Variants in ABL2 observed in about 807,000 individuals in gnomAD.
The protein encoded by ABL2 is ABL proto-oncogene 2, non-receptor tyrosine kinase.
In ABL2, 49 loss-of-function variants were observed where a neutral mutation model predicts 107.7. The ratio of observed to expected loss-of-function variants is 0.45; its 90% CI spans 0.36 to 0.58. The LOEUF is 0.58. Ranked by LOEUF, ABL2 falls within the 20% of genes least tolerant of loss-of-function variation. The probability of loss-of-function intolerance (pLI) is 0.00; values close to 1 mark genes in which losing one functional copy is unlikely to be tolerated. For synonymous variants in ABL2, 549 were observed against 548.6 expected (o/e 1.00, Z -0.01); for missense variants, 1,245 against 1,457.0 (o/e 0.85, Z 2.37).
chr1:179,158,286 G>A (rs1027811853), intron 1 of ABL2, among the ~76,000 whole-genome samples: 4 of 152,192 alleles, frequency 2.6e-5, no homozygotes, highest in African/African-American at 9.7e-5. Flanking sequence ...TAGAGAATGG[G>A]AGAGAAATAA....
At position 179,126,743 on chromosome 1, in the gene ABL2, T is replaced by C; in HGVS notation, c.392-71A>G. On this transcript the variant is annotated intron_variant, in intron 3 of 11. Transcript: ENST00000502732. This position sits in a 1 kb window ranked among gnomAD's most constrained non-coding sequence, Gnocchi z 4.4. ...TTATTTCAACTGAAGCAGTGTACTGTCAAACTTTAAACTCATTAAAAAAAA... is the reference window on the plus strand; with the variant it reads ...TTATTTCAACTGAAGCAGTGTACTGCCAAACTTTAAACTCATTAAAAAAAA... The C allele has an allele frequency of 2.9e-6, 4 of 1,397,362 alleles. No individual in the cohort carries two copies. In the South Asian group the frequency reaches 4.5e-5, roughly 16 times the overall value. The allele number at this position is 1,397,362 out of a possible 1,614,324, so 86.6% of individuals were successfully genotyped here. A position where few individuals can be genotyped will look rare whatever the true frequency, so the allele number is the denominator to read the frequency against.
intron 1 of ABL2, among the ~76,000 whole-genome samples, chr1:179,227,921 G>C (rs2124883214): frequency 6.6e-6 from 1 of 151,128 alleles, no homozygotes; most frequent in Non-Finnish European, 1.5e-5. Flanking sequence ...TGTGGTGGCG[G>C]GCGCCTGTAA....
At chr1:179,221,158 A>G (rs1488211328) in intron 1 of ABL2, 3 of 240,542 alleles carry the variant, frequency 1.2e-5, no homozygotes, top group Non-Finnish European at 1.7e-5. Context: ...CTTGATGGCG[A>G]TATGAGGTTC....
At chr1:179,191,630 C>T (rs1203152661) in intron 1 of ABL2, among the ~76,000 whole-genome samples, 1 of 151,972 alleles carries the variant, frequency 6.6e-6, no homozygotes, top group African/African-American at 2.4e-5. Context: ...CCGTGTTGTC[C>T]AGGCTGGTCT....
At chr1:179,134,732 C>CTCCACGGTCGCCCTCTCCCTCTT (rs1311585547) in intron 1 of ABL2, among the ~76,000 whole-genome samples, 4 of 135,438 alleles carry the variant, frequency 3.0e-5, no homozygotes, top group African/African-American at 1.1e-4. Flanking sequence ...CCCTCTCCCT[C>CTCCACGGTCGCCCTCTCCCTCTT]TCCACGGTCG....
At chr1:179,120,363 T>C in intron 5 of ABL2, 89 bp from the exon 6 acceptor site, 2 of 680,098 alleles carry the variant, frequency 2.9e-6, no homozygotes, top group Non-Finnish European at 4.9e-6. Flanking sequence ...ATCATAAAGC[T>C]TCAGCTTTAA....
chr1:179,134,910 T>A (rs1656716272), intron 1 of ABL2, among the ~76,000 whole-genome samples: 1 of 152,234 alleles, frequency 6.6e-6, no homozygotes, highest in Admixed American at 6.5e-5. Flanking sequence ...TCGTATTTTT[T>A]TGGTGGAGAC....
At chr1:179,112,982 G>C (rs1479440127) in intron 9 of ABL2, among the ~76,000 whole-genome samples, 1 of 152,124 alleles carries the variant, frequency 6.6e-6, no homozygotes, top group Non-Finnish European at 1.5e-5. Flanking sequence ...TCGAACCCCT[G>C]ACCTCAGGTG....
intron 1 of ABL2, among the ~76,000 whole-genome samples, chr1:179,215,247 A>G (rs1662499252): frequency 1.3e-5 from 2 of 152,288 alleles, no homozygotes; most frequent in South Asian, 2.1e-4. Context: ...ATACTCATAT[A>G]TATGTAAATA....
intron 1 of ABL2, chr1:179,196,442 A>G (rs1238864144): frequency 1.3e-5 from 2 of 152,232 alleles, no homozygotes; most frequent in Non-Finnish European, 1.5e-5. Flanking sequence ...AATACCTATG[A>G]GAAAAATCCC....
Position 179,114,882 on chromosome 1 carries a change from T to C in ABL2, c.1557A>G (p.Arg519=). Residue 519 remains arginine, a synonymous_variant, in exon 9 of 12, where the codon AGA becomes AGG. Coordinates refer to ENST00000502732, the MANE Select transcript of ABL2 (RefSeq NM_007314.4). ...AAAACATGCAAAAATACTCACATGCTCTCATAAGTTCATAAACCTTAGGGG... is the reference window on the plus strand; with the variant it reads ...AAAACATGCAAAAATACTCACATGCCCTCATAAGTTCATAAACCTTAGGGG... ...GCPPKVYELM[R]ACWKWSPADR... is the part of the protein sequence containing the mutation. 1 of 1,592,160 alleles carries C rather than the reference T, an allele frequency of 6.3e-7. No individual in the cohort carries two copies. Among genetic ancestry groups the C allele is most frequent in the South Asian group, 1.2e-5 (1 of 85,226 alleles).
At chr1:179,210,017 G>A (rs1662177219) in intron 1 of ABL2, among the ~76,000 whole-genome samples, 1 of 152,082 alleles carries the variant, frequency 6.6e-6, no homozygotes, top group African/African-American at 2.4e-5. Flanking sequence ...TAGGACTACA[G>A]GCACACAGCT....
In ABL2 at chr1:179,116,829, CTTT is replaced by C. The variant is rs35259294; in HGVS notation, c.1408+500_1408+502del. ...CTGGCCCTAAACTTTCTTCTTTATA[CTTT>C]TTTTTTTTTTTTTCTTTTTAGACAG... On this transcript the variant is annotated intron_variant, in intron 8 of 11. Coordinates refer to ENST00000502732, the MANE Select transcript of ABL2 (RefSeq NM_007314.4). 5.5e-3 allele frequency: 797 copies of C among 145,940 alleles called. 2 individuals are homozygous for C. Among genetic ancestry groups the C allele is most frequent in the South Asian group, 8.0e-3 (39 of 4,890 alleles). 9.0% of individuals were successfully genotyped at this position (145,940 alleles called of 1,614,324 possible).
chr1:179,185,418 C>A (rs1557983185), intron 1 of ABL2, among the ~76,000 whole-genome samples: 1 of 152,036 alleles, frequency 6.6e-6, no homozygotes, highest in Non-Finnish European at 1.5e-5. Flanking sequence ...AATTGACATT[C>A]TCTATTGTAA....
intron 1 of ABL2, among the ~76,000 whole-genome samples, chr1:179,153,214 T>C (rs1658470231): frequency 6.6e-6 from 1 of 152,162 alleles, no homozygotes; most frequent in Admixed American, 6.5e-5. Context: ...TCTAACCTCA[T>C]TACTCTTTCC....
chr1:179,205,029 C>CTTT (rs752957278), intron 1 of ABL2, among the ~76,000 whole-genome samples: 29 of 138,208 alleles, frequency 2.1e-4, no homozygotes, highest in South Asian at 4.6e-4. Flanking sequence ...AACTCTTTTT[C>CTTT]TTTTTTTTTT....
intron 3 of ABL2, among the ~76,000 whole-genome samples, chr1:179,129,994 C>T (rs1370874088): frequency 2.0e-5 from 3 of 152,132 alleles, no homozygotes; most frequent in African/African-American, 7.2e-5. Flanking sequence ...GGCTGGGGTG[C>T]AGTGGCACCA....
At chr1:179,154,818 A>G (rs568477385) in intron 1 of ABL2, among the ~76,000 whole-genome samples, 2 of 152,316 alleles carry the variant, frequency 1.3e-5, no homozygotes, top group East Asian at 3.9e-4. Flanking sequence ...GTGTTCTGAG[A>G]TAATTATTAC....
At position 179,101,992 on chromosome 1, in the gene ABL2, A is replaced by ATTT. The variant is rs1557895974; in HGVS notation, c.*5723_*5725dup. Reference sequence around the variant, plus strand: ...AAAAAAAAGCAAGCTTTGCATTAGAATTTCTTTTTTTTTTTTTTTTTTTTT... The same window carrying ATTT: ...AAAAAAAAGCAAGCTTTGCATTAGAATTTTTTCTTTTTTTTTTTTTTTTTTTTT... On this transcript the variant is annotated 3_prime_UTR_variant, in exon 12 of 12. Transcript: ENST00000502732. The ATTT allele has an allele frequency of 1.0e-5, 1 of 100,298 alleles. No individual in the cohort carries two copies. Among genetic ancestry groups the ATTT allele is most frequent in the Non-Finnish European group, 2.0e-5 (1 of 49,756 alleles). The allele number at this position is 100,298 out of a possible 1,614,324, so 6.2% of individuals were successfully genotyped here.
Sources: gnomAD v4.1 joint callset for allele counts (sites outside exome capture counted in the v4.1 genomes callset) on GRCh38, gnomAD v4.1.1 for gene constraint, Gnocchi (gnomAD v3.1) non-coding constraint, MANE v1.5 for transcripts, NCBI Gene and HGNC (gene_info 2026-07-23, HGNC 2026-07-21) for gene names.